The following BBS9 variants were observed in gnomAD, a reference collection of about 807,000 sequenced individuals.
The protein encoded by BBS9 is Bardet-Biedl syndrome 9.
Under a neutral mutation model 117.7 loss-of-function variants are expected in BBS9, and 89 were observed. The ratio of observed to expected loss-of-function variants is 0.76; its 90% CI spans 0.64 to 0.90. The LOEUF is 0.90. BBS9 is among the 40% of genes least tolerant of loss of function. BBS9 has a pLI of 0.00. For synonymous variants in BBS9, 379 were observed against 370.9 expected, an observed-to-expected ratio of 1.02 and a Z score of -0.25; for missense variants, 982 against 1,042.2, an observed-to-expected ratio of 0.94 and a Z score of 0.80.
chr7:33,267,815 T>C (rs1799079905), intron 7 of BBS9, among the ~76,000 whole-genome samples: 1 of 152,242 alleles, frequency 6.6e-6, no homozygotes, highest in Non-Finnish European at 1.5e-5. Context: ...CTTCTTTAAT[T>C]TGTATAATTC....
intron 9 of BBS9, among the ~76,000 whole-genome samples, chr7:33,325,709 C>T (rs1048053962): frequency 6.6e-6 from 1 of 152,142 alleles, no homozygotes; most frequent in African/African-American, 2.4e-5. Context: ...TTAGGGGGCA[C>T]CTGAAGCCCA....
At chr7:33,227,619 C>T (rs73097254) in intron 5 of BBS9, among the ~76,000 whole-genome samples, 15,493 of 151,928 alleles carry the variant, frequency 0.1, 1,128 homozygotes, top group Non-Finnish European at 0.16. Flanking sequence ...CATTCCCAAC[C>T]TTCCCCCTAC....
chr7:33,613,018 A>G (rs1864956036), intron 21 of BBS9, among the ~76,000 whole-genome samples: 1 of 152,112 alleles, frequency 6.6e-6, no homozygotes, highest in Non-Finnish European at 1.5e-5. Flanking sequence ...CCTGGGCACC[A>G]GGGCTCCAAA....
intron 19 of BBS9, among the ~76,000 whole-genome samples, chr7:33,489,015 T>TG (rs2128990485): frequency 7.5e-6 from 1 of 133,940 alleles, no homozygotes; most frequent in African/African-American, 2.9e-5. Flanking sequence ...TTTTTTGAGA[T>TG]GAAGTCTCAC....
At chr7:33,154,667 T>C (rs1181135829) in intron 3 of BBS9, among the ~76,000 whole-genome samples, 1 of 152,168 alleles carries the variant, frequency 6.6e-6, no homozygotes, top group African/African-American at 2.4e-5. Context: ...GGTTTCACCA[T>C]GTTGGCCAGG....
chr7:33,332,424 A>G (rs187797426), intron 9 of BBS9, among the ~76,000 whole-genome samples: 133 of 152,324 alleles, frequency 8.7e-4, no homozygotes, highest in African/African-American at 3.1e-3. Flanking sequence ...CACGCCTGTA[A>G]TCCCAGCACT....
intron 4 of BBS9, among the ~76,000 whole-genome samples, chr7:33,165,923 T>C (rs144927375): frequency 2.2e-3 from 339 of 152,264 alleles, no homozygotes; most frequent in African/African-American, 7.8e-3. Context: ...GTGCTCTGGT[T>C]TTTAGAATTT....
chr7:33,217,580 T>C (rs1469634541), intron 5 of BBS9, among the ~76,000 whole-genome samples: 2 of 152,244 alleles, frequency 1.3e-5, no homozygotes, highest in Non-Finnish European at 2.9e-5. Flanking sequence ...TACATTTCAA[T>C]ATTTTGATAC....
chr7:33,348,301 C>T (rs1208317578), intron 12 of BBS9, among the ~76,000 whole-genome samples: 1 of 152,074 alleles, frequency 6.6e-6, no homozygotes. Context: ...AAGGTTCACC[C>T]ATGTTGTGGC....
intron 21 of BBS9, among the ~76,000 whole-genome samples, chr7:33,600,176 G>A (rs1039010067): frequency 6.6e-6 from 1 of 152,062 alleles, no homozygotes; most frequent in African/African-American, 2.4e-5. Flanking sequence ...AAGTATCGCC[G>A]GAAGACTGGC....
chr7:33,155,257 C>T (rs1793933347), intron 3 of BBS9, among the ~76,000 whole-genome samples: 1 of 152,118 alleles, frequency 6.6e-6, no homozygotes, highest in African/African-American at 2.4e-5. Flanking sequence ...TCTTATTTTT[C>T]ATGAGAAATA....
chr7:33,560,817 A>T (rs181670392), intron 21 of BBS9, among the ~76,000 whole-genome samples: 2 of 152,262 alleles, frequency 1.3e-5, no homozygotes, highest in African/African-American at 4.8e-5. Flanking sequence ...CAGCCTTCTC[A>T]TCAGGAAGGT....
chr7:33,217,668 G>T (rs1789340476), intron 5 of BBS9, among the ~76,000 whole-genome samples: 1 of 152,190 alleles, frequency 6.6e-6, no homozygotes, highest in South Asian at 2.1e-4. Flanking sequence ...AACAACAGTA[G>T]CCAGTCTGAT....
chr7:33,414,872 A>G (rs1048093642), intron 19 of BBS9, among the ~76,000 whole-genome samples: 1 of 152,178 alleles, frequency 6.6e-6, no homozygotes, highest in East Asian at 1.9e-4. Flanking sequence ...CACTTCAGAG[A>G]GATGATATCA....
intron 21 of BBS9, among the ~76,000 whole-genome samples, chr7:33,584,495 T>C (rs939097496): frequency 1.3e-5 from 2 of 152,014 alleles, no homozygotes; most frequent in African/African-American, 2.4e-5. Context: ...CTGGCATTTT[T>C]AAAAAAATTA....
At chr7:33,167,654 C>T (rs1007082576) in intron 4 of BBS9, among the ~76,000 whole-genome samples, 15 of 152,220 alleles carry the variant, frequency 9.9e-5, no homozygotes, top group African/African-American at 3.6e-4. Context: ...CCTCCTCAGC[C>T]TCCCAAAGTG....
chr7:33,553,168 T>G (rs182374372), intron 21 of BBS9, among the ~76,000 whole-genome samples: 45 of 152,238 alleles, frequency 3.0e-4, no homozygotes, highest in African/African-American at 1.1e-3. Context: ...ATGTCTTCTG[T>G]GACCCCTATT....
At chr7:33,305,388 C>T (rs1807671148) in intron 9 of BBS9, among the ~76,000 whole-genome samples, 1 of 151,620 alleles carries the variant, frequency 6.6e-6, no homozygotes, top group Admixed American at 6.6e-5. Context: ...TTTGATGTAC[C>T]TTTGTTGGTT....
chr7:33,481,917 T>C (rs1842559379), intron 19 of BBS9, among the ~76,000 whole-genome samples: 1 of 152,152 alleles, frequency 6.6e-6, no homozygotes, highest in Admixed American at 6.5e-5. Flanking sequence ...TAATAGCAAA[T>C]TGGGAGGGAT....
Sources: gnomAD v4.1 joint callset for allele counts (sites outside exome capture counted in the v4.1 genomes callset) on GRCh38, gnomAD v4.1.1 for gene constraint, MANE v1.5 for transcripts, NCBI Gene and HGNC (gene_info 2026-07-23, HGNC 2026-07-21) for gene names.